HS3ST3A1: variants seen among roughly 807,000 people sequenced by gnomAD.
HS3ST3A1 encodes the protein heparan sulfate-glucosamine 3-sulfotransferase 3A1.
Under a neutral mutation model 25.7 loss-of-function variants are expected in HS3ST3A1, and 19 were observed. The ratio of observed to expected loss-of-function variants is 0.74; its 90% CI spans 0.52 to 1.08. HS3ST3A1 has a LOEUF of 1.08. Ranked by LOEUF, HS3ST3A1 falls within the 50% of genes least tolerant of loss-of-function variation. HS3ST3A1 has a pLI of 0.00. For missense variants in HS3ST3A1, 459 were observed against 594.3 expected (o/e 0.77, Z 2.37); for synonymous variants, 226 against 278.6 (o/e 0.81, Z 1.88).
chr17:13,570,586 T>A (rs1053436370), intron 1 of HS3ST3A1, among the ~76,000 whole-genome samples: 6 of 152,022 alleles, frequency 3.9e-5, no homozygotes, highest in Admixed American at 3.3e-4. Flanking sequence ...CTCAAAGTGA[T>A]CCCCCCACCT....
chr17:13,533,306 C>G (rs1906666858), intron 1 of HS3ST3A1, among the ~76,000 whole-genome samples: 1 of 151,836 alleles, frequency 6.6e-6, no homozygotes, highest in Non-Finnish European at 1.5e-5. Flanking sequence ...TGCTACAATC[C>G]ACACACTGCT....
chr17:13,522,606 G>T (rs1161896866), intron 1 of HS3ST3A1, among the ~76,000 whole-genome samples: 2 of 152,104 alleles, frequency 1.3e-5, no homozygotes, highest in African/African-American at 4.8e-5. Context: ...TATATTTCAG[G>T]AGACAATTAT....
rs564518482 is a variant in HS3ST3A1, at chr17:13,562,982, T to C, written c.599+37549A>G. Reference sequence around the variant, plus strand: ...AAAAGCCAGCTGTTTGCTCATTTCATTGGGGTAAAGAAATTGAGTCAGACG... The same window carrying C: ...AAAAGCCAGCTGTTTGCTCATTTCACTGGGGTAAAGAAATTGAGTCAGACG... On this transcript the variant is annotated intron_variant, in intron 1 of 1. Transcript: ENST00000284110. 9.9e-4 allele frequency among the ~76,000 whole-genome samples: 150 copies of C among 151,846 alleles called. 1 individual carries two copies. In the South Asian group the frequency reaches 0.015, roughly 15 times the overall value.
At chr17:13,501,916 C>T (rs929061606) in intron 1 of HS3ST3A1, among the ~76,000 whole-genome samples, 1 of 152,160 alleles carries the variant, frequency 6.6e-6, no homozygotes, top group African/African-American at 2.4e-5. Context: ...CATGAGCTGG[C>T]TACATTATTT....
intron 1 of HS3ST3A1, among the ~76,000 whole-genome samples, chr17:13,577,895 G>T (rs1191148689): frequency 7.8e-6 from 1 of 128,968 alleles, no homozygotes; most frequent in Non-Finnish European, 1.7e-5. Flanking sequence ...TGTGTCAAAA[G>T]AATTCTTAGA....
intron 1 of HS3ST3A1, among the ~76,000 whole-genome samples, chr17:13,506,250 G>A (rs751642630): frequency 1.3e-5 from 2 of 152,072 alleles, no homozygotes; most frequent in Non-Finnish European, 2.9e-5. Flanking sequence ...TTTCAGCCTT[G>A]ATTTTGCTAT....
At chr17:13,591,648 CT>C (rs1305836074) in intron 1 of HS3ST3A1, among the ~76,000 whole-genome samples, 1 of 138,116 alleles carries the variant, frequency 7.2e-6, no homozygotes, top group Non-Finnish European at 1.5e-5. Context: ...CCCAAATTTC[CT>C]TTTTTCTTCT....
intron 1 of HS3ST3A1, among the ~76,000 whole-genome samples, chr17:13,508,495 A>G (rs1156798850): frequency 1.3e-5 from 2 of 152,222 alleles, no homozygotes; most frequent in South Asian, 2.1e-4. Flanking sequence ...AGAGTTTCCC[A>G]AGCAATTCCA....
chr17:13,498,367 CCT>C (rs1344687665), intron 1 of HS3ST3A1, among the ~76,000 whole-genome samples: 1 of 152,078 alleles, frequency 6.6e-6, no homozygotes, highest in African/African-American at 2.4e-5. Flanking sequence ...TTCTCTTGCC[CCT>C]CTGTCTTTCA....
intron 1 of HS3ST3A1, among the ~76,000 whole-genome samples, chr17:13,504,707 A>AT (rs771942285): frequency 1.3e-5 from 2 of 152,202 alleles, no homozygotes; most frequent in South Asian, 2.1e-4. Context: ...GAAAAGCATG[A>AT]TTTTTTTAAA....
At chr17:13,566,862 A>G (rs1907688250) in intron 1 of HS3ST3A1, among the ~76,000 whole-genome samples, 1 of 152,238 alleles carries the variant, frequency 6.6e-6, no homozygotes, top group Non-Finnish European at 1.5e-5. Context: ...AGCCATCTCC[A>G]TAACATAAAA....
intron 1 of HS3ST3A1, among the ~76,000 whole-genome samples, chr17:13,582,519 C>T (rs1490079743): frequency 2.0e-5 from 3 of 152,132 alleles, no homozygotes; most frequent in East Asian, 1.9e-4. Context: ...ATGAACTATG[C>T]TTTATTTGCT....
chr17:13,601,905 G>A lies in HS3ST3A1; in HGVS notation c.-776C>T, dbSNP rs540223092. 385 of 112,832 alleles carry A rather than the reference G, an allele frequency of 3.4e-3. No individual in the cohort carries two copies. The highest frequency in any genetic ancestry group is 5.1e-3 in the Non-Finnish European group (284 of 55,862). The allele number at this position is 112,832 out of a possible 1,614,324, so 7.0% of individuals were successfully genotyped here. A position where few individuals can be genotyped will look rare whatever the true frequency, so the allele number is the denominator to read the frequency against. ...GCCACTCTGCTCGCAGGCGCTCACCGGCTGCCTCCTGGGCCGCCGCTGGCC... is the reference window on the plus strand; with the variant it reads ...GCCACTCTGCTCGCAGGCGCTCACCAGCTGCCTCCTGGGCCGCCGCTGGCC... On this transcript the variant is annotated 5_prime_UTR_variant, in exon 1 of 2. Coordinates refer to ENST00000284110, the MANE Select transcript of HS3ST3A1 (RefSeq NM_006042.3).
At chr17:13,554,646 C>T (rs1907324369) in intron 1 of HS3ST3A1, among the ~76,000 whole-genome samples, 1 of 152,174 alleles carries the variant, frequency 6.6e-6, no homozygotes, top group African/African-American at 2.4e-5. Flanking sequence ...CCCAGACCTA[C>T]CAAGGCAATC....
intron 1 of HS3ST3A1, among the ~76,000 whole-genome samples, chr17:13,544,934 G>A (rs1471724898): frequency 6.6e-6 from 1 of 152,204 alleles, no homozygotes. Context: ...CCGTAGCTAA[G>A]GCAAGTTGGG....
intron 1 of HS3ST3A1, among the ~76,000 whole-genome samples, chr17:13,568,424 G>A (rs1483921550): frequency 6.6e-6 from 1 of 152,058 alleles, no homozygotes; most frequent in African/African-American, 2.4e-5. Context: ...GGTATGCCTG[G>A]ACTATGTTTT....
intron 1 of HS3ST3A1, among the ~76,000 whole-genome samples, chr17:13,518,674 A>G (rs1162085808): frequency 6.6e-6 from 1 of 152,244 alleles, no homozygotes; most frequent in Non-Finnish European, 1.5e-5. Flanking sequence ...AAAATTCTCC[A>G]TCACTGTGAG....
intron 1 of HS3ST3A1, among the ~76,000 whole-genome samples, chr17:13,597,721 CT>C (rs774669552): frequency 6.6e-6 from 1 of 152,038 alleles, no homozygotes; most frequent in Non-Finnish European, 1.5e-5. Context: ...TTTTCTTTAT[CT>C]TTACTACAAA....
chr17:13,543,691 A>G (rs1354837829), intron 1 of HS3ST3A1: 2 of 156,190 alleles, frequency 1.3e-5, no homozygotes, highest in African/African-American at 2.4e-5. Flanking sequence ...CTGGTTGGAA[A>G]TGTTTTAAAA....
Sources: allele counts gnomAD v4.1 joint callset (sites outside exome capture counted in the v4.1 genomes callset), GRCh38; gene constraint gnomAD v4.1.1; transcripts MANE v1.5; gene names NCBI Gene and HGNC (gene_info 2026-07-23, HGNC 2026-07-21).